Variants in MCU observed in about 807,000 individuals in gnomAD.
MCU encodes the protein mitochondrial calcium uniporter.
MCU carries 12 observed loss-of-function variants against 45.2 expected under a neutral mutation model. The ratio of observed to expected loss-of-function variants is 0.27; its 90% CI spans 0.17 to 0.43. The LOEUF (loss-of-function observed/expected upper bound fraction) is 0.43. Ranked by LOEUF, MCU falls within the 20% of genes least tolerant of loss-of-function variation. MCU has a pLI of 1.00. For synonymous variants in MCU, 160 were observed against 165.1 expected (o/e 0.97, Z 0.24); for missense variants, 324 against 436.7 (o/e 0.74, Z 2.30).
intron 1 of MCU, among the ~76,000 whole-genome samples, chr10:72,826,451 G>C (rs1183911680): frequency 6.6e-6 from 1 of 152,096 alleles, no homozygotes; most frequent in Non-Finnish European, 1.5e-5. Flanking sequence ...CTTTAAGAAG[G>C]AAGTTTTATC....
intron 1 of MCU, among the ~76,000 whole-genome samples, chr10:72,804,123 C>T (rs1224974460): frequency 1.5e-5 from 2 of 136,720 alleles, no homozygotes; most frequent in Admixed American, 1.6e-4. Context: ...GACAGAGTCT[C>T]TCACTCAAGC....
At chr10:72,692,708 A>G (rs1842638840) in intron 1 of MCU, 1 of 1,230,336 alleles carries the variant, frequency 8.1e-7, no homozygotes, top group Non-Finnish European at 1.0e-6. Context: ...CGGGTTGGGG[A>G]GTTCTGAGTT....
rs190792632 is a variant in MCU, at chr10:72,814,478, T to C, written c.151-19881T>C. ...AAGATTAGCTCTTCTTACAATGTAA[T>C]GTGTGAGGAAGAGACTTCAATTAAA... On this transcript the variant is annotated intron_variant, in intron 1 of 7. Transcript: ENST00000373053. Among the ~76,000 whole-genome samples the C allele has an allele frequency of 1.1e-4, 16 of 152,262 alleles. No homozygotes were observed. The East Asian group carries it at 3.1e-3, about 29-fold the overall frequency.
At chr10:72,882,675 G>A (rs1447987334) in intron 6 of MCU, among the ~76,000 whole-genome samples, 6 of 152,156 alleles carry the variant, frequency 3.9e-5, no homozygotes, top group African/African-American at 9.7e-5. Context: ...AATGGTGCCC[G>A]AAACTTCATT....
chr10:72,802,282 C>A (rs182384802), intron 1 of MCU, among the ~76,000 whole-genome samples: 79 of 152,006 alleles, frequency 5.2e-4, no homozygotes, highest in Non-Finnish European at 5.9e-5. Flanking sequence ...TTCGGTGAGT[C>A]TTTTGATTCA....
chr10:72,853,545 T>C (rs1253278362), intron 2 of MCU, among the ~76,000 whole-genome samples: 3 of 152,108 alleles, frequency 2.0e-5, no homozygotes, highest in Non-Finnish European at 2.9e-5. Context: ...TAAGTGTAAT[T>C]GGAATCCCAG....
chr10:72,834,258 ATTAC>A, intron 1 of MCU, 97 bp from the exon 2 acceptor site: 3 of 702,974 alleles, frequency 4.3e-6, no homozygotes, highest in Non-Finnish European at 6.6e-6. Flanking sequence ...AAGCATGCAT[ATTAC>A]TTAAGTAATC....
chr10:72,879,478 C>T (rs1845667340), intron 6 of MCU, among the ~76,000 whole-genome samples: 1 of 152,186 alleles, frequency 6.6e-6, no homozygotes, highest in East Asian at 1.9e-4. Flanking sequence ...AAGAAAATAA[C>T]TGTCATCTTA....
At chr10:72,777,711 TA>T (rs1843917051) in intron 1 of MCU, among the ~76,000 whole-genome samples, 1 of 152,064 alleles carries the variant, frequency 6.6e-6, no homozygotes, top group Non-Finnish European at 1.5e-5. Flanking sequence ...TACATCAAGT[TA>T]AAAAGCTTCT....
At chr10:72,872,338 A>G (rs1357447188) in intron 6 of MCU, among the ~76,000 whole-genome samples, 1 of 152,088 alleles carries the variant, frequency 6.6e-6, no homozygotes, top group Non-Finnish European at 1.5e-5. Context: ...ATTGAACACT[A>G]GAGCTTATTC....
intron 1 of MCU, among the ~76,000 whole-genome samples, chr10:72,720,828 A>G (rs1366318106): frequency 1.3e-5 from 2 of 152,214 alleles, no homozygotes; most frequent in East Asian, 3.8e-4. Flanking sequence ...AACCCTTAAT[A>G]GCTGAAGATA....
intron 1 of MCU, among the ~76,000 whole-genome samples, chr10:72,812,061 A>G (rs768450178): frequency 8.1e-5 from 12 of 148,066 alleles, no homozygotes; most frequent in Non-Finnish European, 1.6e-4. Flanking sequence ...TTATTTACCT[A>G]TTCATTTTGG....
chr10:72,833,303 A>G (rs781366328), intron 1 of MCU, among the ~76,000 whole-genome samples: 3 of 152,226 alleles, frequency 2.0e-5, no homozygotes, highest in Non-Finnish European at 4.4e-5. Flanking sequence ...TAATGAATCA[A>G]AGATTTAAAA....
intron 4 of MCU, among the ~76,000 whole-genome samples, chr10:72,864,024 G>A (rs1277503075): frequency 6.6e-6 from 1 of 152,176 alleles, no homozygotes; most frequent in African/African-American, 2.4e-5. Flanking sequence ...GCCATTTGCA[G>A]TTGAGAGAAG....
chr10:72,826,875 C>T (rs1480503480), intron 1 of MCU, among the ~76,000 whole-genome samples: 2 of 152,136 alleles, frequency 1.3e-5, no homozygotes, highest in African/African-American at 2.4e-5. Context: ...CCACCCAAGA[C>T]GTAAATCATC....
chr10:72,705,170 A>AT (rs1564533683), intron 1 of MCU, among the ~76,000 whole-genome samples: 2 of 152,072 alleles, frequency 1.3e-5, no homozygotes, highest in South Asian at 2.1e-4. Context: ...GCCAAAACAA[A>AT]TTTTTTTTAA....
chr10:72,796,384 G>A (rs577878983), intron 1 of MCU, among the ~76,000 whole-genome samples: 3 of 152,222 alleles, frequency 2.0e-5, no homozygotes, highest in Admixed American at 6.5e-5. Context: ...TTGTATCACT[G>A]CACTTCAGCC....
chr10:72,853,756 C>T (rs2132860503), intron 2 of MCU, among the ~76,000 whole-genome samples: 1 of 152,286 alleles, frequency 6.6e-6, no homozygotes, highest in East Asian at 1.9e-4. Flanking sequence ...GTGGCTTACA[C>T]CTGTGAGCCC....
intron 1 of MCU, among the ~76,000 whole-genome samples, chr10:72,767,752 G>T (rs1027868802): frequency 6.6e-6 from 1 of 152,098 alleles, no homozygotes; most frequent in Non-Finnish European, 1.5e-5. Context: ...TTCCCTTTTT[G>T]GGGGGATGAC....
Sources: allele counts gnomAD v4.1 joint callset (sites outside exome capture counted in the v4.1 genomes callset), GRCh38; gene constraint gnomAD v4.1.1; transcripts MANE v1.5; gene names NCBI Gene and HGNC (gene_info 2026-07-23, HGNC 2026-07-21).